PDE4D: variants seen among roughly 807,000 people sequenced by gnomAD.
PDE4D encodes the protein phosphodiesterase 4D.
In PDE4D, 24 loss-of-function variants were observed where a neutral mutation model predicts 87.4. The ratio of observed to expected loss-of-function variants is 0.27; its 90% CI spans 0.20 to 0.39. PDE4D has a LOEUF of 0.39. Ranked by LOEUF, PDE4D falls within the 10% of genes least tolerant of loss-of-function variation. PDE4D has a pLI of 1.00. For synonymous variants in PDE4D, 384 were observed against 383.2 expected, an observed-to-expected ratio of 1.00 and a Z score of -0.02; for missense variants, 714 against 1,041.0, an observed-to-expected ratio of 0.69 and a Z score of 4.32.
rs548335725 is a variant in PDE4D, at chr5:59,156,320, A to AAAATATATATATATAT, written c.808+24274_808+24275insATATATATATATATTT. 8.2e-4 allele frequency among the ~76,000 whole-genome samples: 67 copies of AAAATATATATATATAT among 81,758 alleles called. 2 individuals carry two copies. The highest frequency in any genetic ancestry group is 2.0e-3 in the African/African-American group (40 of 19,640). The allele number at this position is 81,758 out of a possible 152,430, so 53.6% of individuals were successfully genotyped here. On this transcript the variant is annotated intron_variant, in intron 5 of 14. Coordinates refer to ENST00000340635, the MANE Select transcript of PDE4D (RefSeq NM_001104631.2). ...CTAGAGACTTGCCAGAAAAAAAAAA[A>AAAATATATATATATAT]ATATATATATATGTGTGTGTGTGTG...
At chr5:59,137,415 A>C (rs1777232620) in intron 5 of PDE4D, among the ~76,000 whole-genome samples, 1 of 152,170 alleles carries the variant, frequency 6.6e-6, no homozygotes, top group Admixed American at 6.5e-5. Context: ...GCAAAGAAAA[A>C]CTTCATGGTA....
At chr5:59,817,195 A>G (rs1461263218) in intron 1 of PDE4D, among the ~76,000 whole-genome samples, 2 of 152,238 alleles carry the variant, frequency 1.3e-5, no homozygotes, top group Non-Finnish European at 2.9e-5. Context: ...AAGGTGGCTC[A>G]GGAAGTTTGG....
At chr5:59,133,573 T>C (rs144604420) in intron 5 of PDE4D, among the ~76,000 whole-genome samples, 108 of 152,318 alleles carry the variant, frequency 7.1e-4, no homozygotes, top group African/African-American at 2.3e-3. Context: ...TCTGCTAGTA[T>C]ACTGTAGAAA....
At chr5:59,753,729 G>A (rs192379105) in intron 1 of PDE4D, among the ~76,000 whole-genome samples, 2 of 152,314 alleles carry the variant, frequency 1.3e-5, no homozygotes, top group Admixed American at 1.3e-4. Context: ...TCCAGTAAAT[G>A]AGACAGTATC....
chr5:60,347,472 T>C (rs1758830972), intron 1 of PDE4D, among the ~76,000 whole-genome samples: 1 of 152,168 alleles, frequency 6.6e-6, no homozygotes, highest in Admixed American at 6.6e-5. Context: ...AAGATCACCC[T>C]GACTGTTGTG....
chr5:58,994,319 C>A lies in PDE4D; in HGVS notation c.922-854G>T, dbSNP rs1419310369. Among the ~76,000 whole-genome samples the A allele has an allele frequency of 2.0e-5, 3 of 152,156 alleles. No homozygotes were observed. The East Asian group carries it at 5.8e-4, about 29-fold the overall frequency. ...CACATGGCATTACCAGTATCCAAAT[C>A]TCCCAAAGATTTTACACTTCTCCCA... On this transcript the variant is annotated intron_variant, in intron 6 of 14. Transcript: ENST00000340635.
intron 3 of PDE4D, among the ~76,000 whole-genome samples, chr5:59,189,342 TG>T (rs1743788076): frequency 6.9e-6 from 1 of 145,408 alleles, no homozygotes; most frequent in Admixed American, 7.3e-5. Flanking sequence ...CTCTGCCTCC[TG>T]GGTTCAAGTT....
chr5:60,074,812 A>T (rs1426005719), intron 2 of PDE4D, among the ~76,000 whole-genome samples: 1 of 152,172 alleles, frequency 6.6e-6, no homozygotes, highest in Non-Finnish European at 1.5e-5. Flanking sequence ...TTTGTCTGAA[A>T]TTAGGATTGC....
intron 1 of PDE4D, among the ~76,000 whole-genome samples, chr5:59,692,290 G>A (rs1351642823): frequency 6.6e-6 from 1 of 152,054 alleles, no homozygotes; most frequent in Non-Finnish European, 1.5e-5. Flanking sequence ...GCTTTTTATT[G>A]TTGTATTCTT....
intron 1 of PDE4D, among the ~76,000 whole-genome samples, chr5:59,811,145 GA>G (rs1262459858): frequency 2.0e-5 from 3 of 152,200 alleles, no homozygotes; most frequent in African/African-American, 7.2e-5. Context: ...GACATCCAGG[GA>G]AATGTGTGAA....
chr5:60,480,374 T>C (rs1003873605), intron 1 of PDE4D, among the ~76,000 whole-genome samples: 1 of 152,150 alleles, frequency 6.6e-6, no homozygotes, highest in Non-Finnish European at 1.5e-5. Flanking sequence ...TTGAAATTAA[T>C]ATACGTAAAA....
chr5:60,101,818 A>G (rs1776247483), intron 2 of PDE4D, among the ~76,000 whole-genome samples: 1 of 152,172 alleles, frequency 6.6e-6, no homozygotes, highest in African/African-American at 2.4e-5. Flanking sequence ...TTATGGTGAT[A>G]GAGCAAACAC....
chr5:60,097,265 T>TTGTGTGTGTGTGTGTG (rs57591657), intron 2 of PDE4D, among the ~76,000 whole-genome samples: 1 of 146,478 alleles, frequency 6.8e-6, no homozygotes, highest in African/African-American at 2.5e-5. Flanking sequence ...TGCTATGAAG[T>TTGTGTGTGTGTGTGTG]TGTGTGTGTG....
rs577667425 is a variant in PDE4D, at chr5:59,536,283, ATC to A, written c.456-320317_456-320316del. Among the ~76,000 whole-genome samples, 356 of 152,162 alleles carry A rather than the reference ATC, an allele frequency of 2.3e-3. 1 individual carries two copies. The highest frequency in any genetic ancestry group is 3.5e-3 in the Non-Finnish European group (240 of 67,998). The stretch of plus-strand genomic sequence containing the variant: ...CACTTTGGGAGGCCGAGATGGGTGA[ATC>A]ACAAGGTCAGGAGATTGAGACCATC... On this transcript the variant is annotated intron_variant, in intron 1 of 14. Coordinates refer to ENST00000340635, the MANE Select transcript of PDE4D (RefSeq NM_001104631.2).
At chr5:60,329,731 G>C (rs1319915001) in intron 1 of PDE4D, among the ~76,000 whole-genome samples, 1 of 151,874 alleles carries the variant, frequency 6.6e-6, no homozygotes, top group Non-Finnish European at 1.5e-5. Flanking sequence ...AAAAGTCGGA[G>C]AGAAAGCCTG....
chr5:59,054,777 A>G (rs1580547757), intron 5 of PDE4D, among the ~76,000 whole-genome samples: 2 of 152,170 alleles, frequency 1.3e-5, no homozygotes, highest in Non-Finnish European at 2.9e-5. Flanking sequence ...ATTTTAAAGT[A>G]TTAATTGTGA....
rs562931505 is a variant in PDE4D at position 59,436,603 on chromosome 5, T to C, written c.456-220635A>G. Among the ~76,000 whole-genome samples, 10 of 152,286 alleles carry C rather than the reference T, an allele frequency of 6.6e-5. No homozygotes were observed. The South Asian group carries it at 2.1e-3, about 32-fold the overall frequency. ...CGAAGTTAAAGAACATAAAATCCCATAAATCAGCTAGTCAGCAGGCCCACT... is the reference window on the plus strand; with the variant it reads ...CGAAGTTAAAGAACATAAAATCCCACAAATCAGCTAGTCAGCAGGCCCACT... On this transcript the variant is annotated intron_variant, in intron 1 of 14. Coordinates refer to ENST00000340635, the MANE Select transcript of PDE4D (RefSeq NM_001104631.2).
chr5:59,732,199 A>T (rs1757454578), intron 1 of PDE4D, among the ~76,000 whole-genome samples: 1 of 152,076 alleles, frequency 6.6e-6, no homozygotes, highest in African/African-American at 2.4e-5. Context: ...CTTGTAATTC[A>T]TTGTACATAG....
chr5:60,476,012 A>C (rs1415791400), intron 1 of PDE4D, among the ~76,000 whole-genome samples: 1 of 152,124 alleles, frequency 6.6e-6, no homozygotes, highest in Non-Finnish European at 1.5e-5. Flanking sequence ...GACTCAATCT[A>C]ACAAATAATC....
Sources: allele counts gnomAD v4.1 joint callset (sites outside exome capture counted in the v4.1 genomes callset), GRCh38; gene constraint gnomAD v4.1.1; transcripts MANE v1.5; gene names NCBI Gene and HGNC (gene_info 2026-07-23, HGNC 2026-07-21).